HDGFL3: variants seen among roughly 807,000 people sequenced by gnomAD.
HDGFL3 encodes HDGF like 3, also known as hepatoma-derived growth factor-related protein 3.
Under a neutral mutation model 27.6 loss-of-function variants are expected in HDGFL3, and 6 were observed. The ratio of observed to expected loss-of-function variants is 0.22; its 90% CI spans 0.12 to 0.43. The LOEUF is 0.43. HDGFL3 is among the 20% of genes least tolerant of loss of function. HDGFL3 has a pLI of 1.00. For missense variants in HDGFL3, 207 were observed against 250.1 expected (o/e 0.83, Z 1.16); for synonymous variants, 88 against 88.9 (o/e 0.99, Z 0.05).
chr15:83,163,572 A>G (rs887295066), intron 2 of HDGFL3, among the ~76,000 whole-genome samples: 4 of 152,222 alleles, frequency 2.6e-5, no homozygotes, highest in African/African-American at 9.6e-5. Context: ...AAAACCTAAA[A>G]AAGGTGGTAT....
chr15:83,189,490 A>T (rs1254277825), intron 1 of HDGFL3: 1 of 152,284 alleles, frequency 6.6e-6, no homozygotes, highest in Non-Finnish European at 1.5e-5. Flanking sequence ...AACTCTGCTG[A>T]AGTGTCACAT....
intron 5 of HDGFL3, among the ~76,000 whole-genome samples, chr15:83,149,906 G>A (rs934193762): frequency 6.6e-5 from 10 of 152,160 alleles, no homozygotes; most frequent in Admixed American, 5.9e-4. Context: ...GTGTGCTTTG[G>A]AGAAAACAGG....
At chr15:83,197,791 C>G (rs1027425285) in intron 1 of HDGFL3, among the ~76,000 whole-genome samples, 6 of 152,078 alleles carry the variant, frequency 3.9e-5, no homozygotes, top group Admixed American at 6.6e-5. Flanking sequence ...ATAGGCCGGG[C>G]ACGGTGGCTC....
intron 1 of HDGFL3, among the ~76,000 whole-genome samples, chr15:83,193,127 A>G (rs2037531946): frequency 6.6e-6 from 1 of 152,188 alleles, no homozygotes; most frequent in Admixed American, 6.5e-5. Context: ...TAAGCACAAA[A>G]ATCAAGAGTA....
intron 5 of HDGFL3, among the ~76,000 whole-genome samples, chr15:83,148,664 C>G (rs1339041486): frequency 6.6e-6 from 1 of 151,190 alleles, no homozygotes; most frequent in African/African-American, 2.4e-5. Flanking sequence ...AAGCTGGAAA[C>G]AACCCAACTG....
At chr15:83,187,441 C>T (rs2037458393) in intron 1 of HDGFL3, among the ~76,000 whole-genome samples, 1 of 152,094 alleles carries the variant, frequency 6.6e-6, no homozygotes, top group Non-Finnish European at 1.5e-5. Flanking sequence ...AAATTCTCTG[C>T]ACCATGAAAA....
chr15:83,162,304 T>C (rs771755203), intron 2 of HDGFL3, among the ~76,000 whole-genome samples: 1 of 152,128 alleles, frequency 6.6e-6, no homozygotes, highest in African/African-American at 2.4e-5. Context: ...CTAAGTTCAG[T>C]AGAATCAATG....
At chr15:83,175,999 A>C (rs2037305464) in intron 1 of HDGFL3, among the ~76,000 whole-genome samples, 1 of 152,262 alleles carries the variant, frequency 6.6e-6, no homozygotes, top group Non-Finnish European at 1.5e-5. Flanking sequence ...TTTATTCCCT[A>C]TAATGGGATG....
rs2090438068 is a variant in HDGFL3, at chr15:83,202,773, T to C, written c.84+4558A>G. Among the ~76,000 whole-genome samples, 3 of 152,118 alleles carry C rather than the reference T, an allele frequency of 2.0e-5. No individual in the cohort carries two copies. In the South Asian group the frequency reaches 6.2e-4, roughly 31 times the overall value. On this transcript the variant is annotated intron_variant, in intron 1 of 5. Coordinates refer to ENST00000299633, the MANE Select transcript of HDGFL3 (RefSeq NM_016073.4). ...AGATCAAGACAGGGAACATTTCCAGTGCCTTCTCCTATTCAATAACTCCTT... is the reference window on the plus strand; with the variant it reads ...AGATCAAGACAGGGAACATTTCCAGCGCCTTCTCCTATTCAATAACTCCTT...
intron 2 of HDGFL3, 81 bp from the exon 3 acceptor site, chr15:83,158,122 G>A: frequency 8.3e-7 from 1 of 1,200,336 alleles, no homozygotes; most frequent in Admixed American, 2.3e-5. Context: ...CAGTGAAGAT[G>A]TCAGAGCATA....
intron 3 of HDGFL3, 35 bp downstream of exon 3, chr15:83,157,868 G>A: frequency 6.3e-7 from 1 of 1,587,652 alleles, no homozygotes; most frequent in Non-Finnish European, 8.6e-7. Flanking sequence ...CCAAAGAAAT[G>A]AGATATAGCA....
intron 5 of HDGFL3, among the ~76,000 whole-genome samples, chr15:83,145,643 C>G (rs1280494705): frequency 1.3e-5 from 2 of 152,252 alleles, no homozygotes; most frequent in East Asian, 3.9e-4. Context: ...TACTCCCCTC[C>G]TTCCTGCAAT....
chr15:83,205,359 C>T (rs2037704188), intron 1 of HDGFL3, among the ~76,000 whole-genome samples: 1 of 152,090 alleles, frequency 6.6e-6, no homozygotes, highest in Non-Finnish European at 1.5e-5. Flanking sequence ...TTGAGGAGCT[C>T]GTTAAATGTG....
intron 3 of HDGFL3, chr15:83,115,850 G>A: frequency 1.2e-6 from 2 of 1,612,992 alleles, no homozygotes; most frequent in South Asian, 1.1e-5. Context: ...TCTAGTGTAT[G>A]CAGTTTTTGG....
chr15:83,207,521 G>C lies in HDGFL3; in HGVS notation c.-107C>G. 1 of 892,304 alleles carries C rather than the reference G, an allele frequency of 1.1e-6. No homozygotes were observed. Among genetic ancestry groups the C allele is most frequent in the East Asian group, 3.4e-5 (1 of 29,186 alleles). The allele number at this position is 892,304 out of a possible 1,614,324, so 55.3% of individuals were successfully genotyped here. On this transcript the variant is annotated 5_prime_UTR_variant, in exon 1 of 6. Coordinates refer to ENST00000299633, the MANE Select transcript of HDGFL3 (RefSeq NM_016073.4). This position sits in a 1 kb window ranked among gnomAD's most constrained non-coding sequence, Gnocchi z 4.8. Reference sequence around the variant, plus strand: ...CCGCGCTCCCCGCGGGCCTCAAGCCGGGCGGACGAGCGGCCGCTCCGACGA... The same window carrying C: ...CCGCGCTCCCCGCGGGCCTCAAGCCCGGCGGACGAGCGGCCGCTCCGACGA...
intron 1 of HDGFL3, among the ~76,000 whole-genome samples, chr15:83,170,343 A>G (rs2037230634): frequency 6.6e-6 from 1 of 152,216 alleles, no homozygotes; most frequent in Non-Finnish European, 1.5e-5. Flanking sequence ...ATTAACCAAA[A>G]CAGCATGGTA....
At chr15:83,182,862 G>T (rs764115788) in intron 1 of HDGFL3, among the ~76,000 whole-genome samples, 5 of 152,140 alleles carry the variant, frequency 3.3e-5, no homozygotes, top group African/African-American at 4.8e-5. Context: ...TAAAAAATAA[G>T]ATAGCTTGAT....
At chr15:83,148,154 T>C (rs1443770592) in intron 5 of HDGFL3, among the ~76,000 whole-genome samples, 1 of 152,252 alleles carries the variant, frequency 6.6e-6, no homozygotes, top group African/African-American at 2.4e-5. Context: ...TCCACACCTC[T>C]GGTGAGAATG....
intron 3 of HDGFL3, among the ~76,000 whole-genome samples, chr15:83,121,378 G>A (rs749545666): frequency 2.6e-5 from 4 of 151,962 alleles, no homozygotes; most frequent in Non-Finnish European, 4.4e-5. Context: ...CACCATGCTC[G>A]GCCTGAAGGA....
Sources: allele counts gnomAD v4.1 joint callset (sites outside exome capture counted in the v4.1 genomes callset), GRCh38; gene constraint gnomAD v4.1.1; non-coding constraint Gnocchi (gnomAD v3.1); transcripts MANE v1.5; gene names NCBI Gene and HGNC (gene_info 2026-07-23, HGNC 2026-07-21).